Variants in FER observed in about 807,000 individuals in gnomAD.
The protein encoded by FER is FER tyrosine kinase.
A neutral mutation model predicts 111.0 loss-of-function variants in FER; 63 were observed. The ratio of observed to expected loss-of-function variants is 0.57; its 90% confidence interval spans 0.46 to 0.70. The LOEUF is 0.70. FER is among the 30% of genes least tolerant of loss of function. The pLI, the probability that FER is intolerant of heterozygous loss-of-function variation, is 0.00. For missense variants in FER, 914 were observed against 954.0 expected (o/e 0.96, Z 0.55); for synonymous variants, 327 against 313.9 (o/e 1.04, Z -0.44).
intron 3 of FER, among the ~76,000 whole-genome samples, chr5:108,802,320 A>G (rs1756750224): frequency 6.6e-6 from 1 of 152,178 alleles, no homozygotes; most frequent in African/African-American, 2.4e-5. Context: ...GGGTCTTTCA[A>G]TAAATAAAAA....
intron 13 of FER, among the ~76,000 whole-genome samples, chr5:108,991,053 A>G (rs1364192468): frequency 6.6e-6 from 1 of 151,478 alleles, no homozygotes; most frequent in Non-Finnish European, 1.5e-5. Flanking sequence ...ATATGTATAT[A>G]TACACACATA....
intron 9 of FER, among the ~76,000 whole-genome samples, chr5:108,886,470 CAT>C (rs139565916): frequency 0.022 from 3,245 of 148,844 alleles, 108 homozygotes; most frequent in African/African-American, 0.075. Context: ...CATAAATGTA[CAT>C]ATATATATAT....
intron 3 of FER, among the ~76,000 whole-genome samples, chr5:108,829,653 T>A (rs981643865): frequency 1.3e-5 from 2 of 152,122 alleles, no homozygotes; most frequent in African/African-American, 4.8e-5. Context: ...AAAACTTTTT[T>A]AAGTCACTTT....
intron 3 of FER, among the ~76,000 whole-genome samples, chr5:108,814,310 G>T (rs1000451770): frequency 6.6e-6 from 1 of 152,074 alleles, no homozygotes; most frequent in Non-Finnish European, 1.5e-5. Context: ...TGGATCTCGC[G>T]CAAGAAATAA....
At chr5:108,765,897 G>A (rs557588722) in intron 1 of FER, among the ~76,000 whole-genome samples, 47 of 151,864 alleles carry the variant, frequency 3.1e-4, no homozygotes, top group African/African-American at 9.4e-4. Flanking sequence ...TAAAGATGAT[G>A]TGTTGAAAGC....
intron 13 of FER, among the ~76,000 whole-genome samples, chr5:109,010,391 T>C (rs1187863131): frequency 6.6e-6 from 1 of 151,918 alleles, no homozygotes; most frequent in Non-Finnish European, 1.5e-5. Context: ...TCTCCTGACC[T>C]CGTGATCCGC....
In FER at chr5:109,047,163, G is replaced by T; in HGVS notation, c.1889G>T (p.Arg630Ile). The stretch of plus-strand genomic sequence containing the variant: ...AAACTTATAGGAGTTTGCACACAAA[G>T]ACAGCCTGTCTACATCATTATGGAA... The part of the protein sequence containing the change: ...IVKLIGVCTQ[R>I]QPVYIIMELV... The change falls in exon 16 of 20, where the codon AGA becomes ATA. Residue 630 changes from arginine (R) to isoleucine (I), a missense_variant. Coordinates refer to ENST00000281092, the MANE Select transcript of FER (RefSeq NM_005246.4). The T allele has an allele frequency of 6.2e-7, 1 of 1,608,440 alleles. No individual in the cohort carries two copies. Among genetic ancestry groups the T allele is most frequent in the Non-Finnish European group, 8.5e-7 (1 of 1,177,206 alleles).
At chr5:108,906,585 G>C (rs910094601) in intron 10 of FER, among the ~76,000 whole-genome samples, 1 of 151,742 alleles carries the variant, frequency 6.6e-6, no homozygotes, top group Non-Finnish European at 1.5e-5. Context: ...TTAGAAGTCT[G>C]CTTTTTTCCT....
At chr5:109,096,739 T>C (rs1180080928) in intron 16 of FER, among the ~76,000 whole-genome samples, 1 of 151,838 alleles carries the variant, frequency 6.6e-6, no homozygotes, top group East Asian at 1.9e-4. Context: ...TAAGCCAGTC[T>C]AGGACCACCC....
At chr5:108,986,006 T>A (rs557570783) in intron 13 of FER, among the ~76,000 whole-genome samples, 1 of 152,330 alleles carries the variant, frequency 6.6e-6, no homozygotes, top group South Asian at 2.1e-4. Context: ...CTTTAAGGAA[T>A]CTCCACATTG....
chr5:108,867,623 A>G (rs557905974), intron 5 of FER, 144 bp from the exon 6 acceptor site: 3 of 759,548 alleles, frequency 3.9e-6, no homozygotes, highest in Non-Finnish European at 6.4e-6. Context: ...AAAGCTAAGC[A>G]CATATTATGT....
intron 1 of FER, among the ~76,000 whole-genome samples, chr5:108,765,277 C>CA (rs1464785812): frequency 6.6e-6 from 1 of 151,770 alleles, no homozygotes; most frequent in Non-Finnish European, 1.5e-5. Flanking sequence ...GAGATGCCAC[C>CA]AAAAAAAGTT....
intron 16 of FER, among the ~76,000 whole-genome samples, chr5:109,093,523 T>G (rs1747084120): frequency 6.6e-6 from 1 of 152,164 alleles, no homozygotes; most frequent in Non-Finnish European, 1.5e-5. Flanking sequence ...AGTAAGATTG[T>G]ATGACATTTT....
rs967222323 is a variant in FER, at chr5:109,194,452, A to C, written c.*6877A>C. 6.6e-6 allele frequency: 1 copy of C among 152,138 alleles called. No individual in the cohort carries two copies. The highest frequency in any genetic ancestry group is 1.5e-5 in the Non-Finnish European group (1 of 68,026). The allele number at this position is 152,138 out of a possible 1,614,324, so 9.4% of individuals were successfully genotyped here. ...TCCTGAAAAGCCAAACACCACACCT[A>C]TTTTCCTATTTGCTAAGAATCAGAA... On this transcript the variant is annotated 3_prime_UTR_variant, in exon 20 of 20. Transcript: ENST00000281092.
chr5:109,165,857 A>G (rs1441731961), intron 17 of FER, among the ~76,000 whole-genome samples: 1 of 152,146 alleles, frequency 6.6e-6, no homozygotes, highest in Non-Finnish European at 1.5e-5. Flanking sequence ...ACATAAAGGC[A>G]ATTTGTGTGC....
At chr5:108,839,534 A>G (rs190877991) in intron 5 of FER, among the ~76,000 whole-genome samples, 3 of 151,632 alleles carry the variant, frequency 2.0e-5, no homozygotes, top group African/African-American at 7.3e-5. Flanking sequence ...GAAAGTAGCC[A>G]CAGAGAAATT....
At chr5:109,183,555 T>TTCTTTCATATATGAAAGCAGTATATAC (rs1260099202) in intron 18 of FER, among the ~76,000 whole-genome samples, 5 of 152,032 alleles carry the variant, frequency 3.3e-5, no homozygotes, top group Admixed American at 2.0e-4. Context: ...AATCCAATAC[T>TTCTTTCATATATGAAAGCAGTATATAC]TCTTTCATAT....
intron 17 of FER, among the ~76,000 whole-genome samples, chr5:109,111,377 T>C (rs1582077601): frequency 6.6e-6 from 1 of 152,154 alleles, no homozygotes; most frequent in East Asian, 1.9e-4. Context: ...TTTGCTATTA[T>C]GTTTGGTATA....
In FER at chr5:109,100,444, TCAAA is replaced by T. The variant is rs1561894325; in HGVS notation, c.1976_1979del (p.Lys659SerfsTer2). 2 of 1,611,454 alleles carry T rather than the reference TCAAA, an allele frequency of 1.2e-6. No individual in the cohort carries two copies. The highest frequency in any genetic ancestry group is 1.7e-5 in the Admixed American group (1 of 59,856). ...AGAAGGAAGAAGGATGAACTAAAAC[TCAAA>T]CAGTTAGTGAAATTTTCATTAGACG... On this transcript the variant is annotated frameshift_variant, in exon 17 of 20. Transcript: ENST00000281092. LOFTEE classifies it high-confidence loss of function.
Sources: allele counts gnomAD v4.1 joint callset (sites outside exome capture counted in the v4.1 genomes callset), GRCh38; gene constraint gnomAD v4.1.1; transcripts MANE v1.5; gene names NCBI Gene and HGNC (gene_info 2026-07-23, HGNC 2026-07-21).